SLC7A1: variants seen among roughly 807,000 people sequenced by gnomAD.
SLC7A1 encodes the protein high affinity cationic amino acid transporter 1.
In SLC7A1, 10 loss-of-function variants were observed where a neutral mutation model predicts 53.9. The ratio of observed to expected loss-of-function variants is 0.19; its 90% CI spans 0.11 to 0.31. The LOEUF is 0.31. Among genes scored for constraint, SLC7A1 ranks in the 10% least tolerant of loss-of-function variants. The pLI is 1.00. For synonymous variants in SLC7A1, 342 were observed against 338.7 expected, an observed-to-expected ratio of 1.01 and a Z score of -0.11; for missense variants, 525 against 827.2, an observed-to-expected ratio of 0.63 and a Z score of 4.48.
At position 29,516,285 on chromosome 13, in the gene SLC7A1, C is replaced by T. The variant is rs3011626; in HGVS notation, c.1678-39G>A. On this transcript the variant is annotated intron_variant, in intron 11 of 12. Transcript: ENST00000380752. The stretch of plus-strand genomic sequence containing the variant: ...AGGTGGCTTCAATCCATGGCAGTGG[C>T]GCCGGTTCCAATAGTTCAGTAAAAC... 2.4e-3 allele frequency: 3,131 copies of T among 1,329,700 alleles called. 47 individuals carry two copies. In the African/African-American group the frequency reaches 0.037, roughly 16 times the overall value. The allele number at this position is 1,329,700 out of a possible 1,614,324, so 82.4% of individuals were successfully genotyped here.
chr13:29,527,567 G>A (rs144801482), intron 5 of SLC7A1, among the ~76,000 whole-genome samples: 1,802 of 152,316 alleles, frequency 0.012, 28 homozygotes, highest in African/African-American at 0.04. Context: ...GTGAAAGAGA[G>A]GGGCTGCCAA....
chr13:29,594,703 C>T (rs965182839), intron 1 of SLC7A1, among the ~76,000 whole-genome samples: 9 of 152,348 alleles, frequency 5.9e-5, no homozygotes, highest in Non-Finnish European at 1.2e-4. Context: ...TTCCAGGCCA[C>T]ACTGGGTCAC....
chr13:29,524,931 C>G (rs1200161261), intron 5 of SLC7A1, among the ~76,000 whole-genome samples: 1 of 152,184 alleles, frequency 6.6e-6, no homozygotes, highest in Non-Finnish European at 1.5e-5. Context: ...CTTAAACATT[C>G]AGAAAACAGT....
chr13:29,522,187 A>C, intron 8 of SLC7A1, 130 bp downstream of exon 8: 3 of 940,574 alleles, frequency 3.2e-6, no homozygotes, highest in Non-Finnish European at 4.9e-6. Context: ...CCAGGCTCCA[A>C]GTATAAAAAC....
Position 29,592,129 on chromosome 13 carries a change from C to T in SLC7A1, c.-115+3287G>A, listed in dbSNP as rs568575563. Reference sequence around the variant, plus strand: ...TTGGTCCCAACTCCCCTCAAAGAAGCATCCTTCGTTTCAGGGCAGATAATC... The same window carrying T: ...TTGGTCCCAACTCCCCTCAAAGAAGTATCCTTCGTTTCAGGGCAGATAATC... On this transcript the variant is annotated intron_variant, in intron 1 of 12. Transcript: ENST00000380752. 7.2e-5 allele frequency among the ~76,000 whole-genome samples: 11 copies of T among 152,318 alleles called. 1 individual carries two copies. In the South Asian group the frequency reaches 2.3e-3, roughly 32 times the overall value.
intron 1 of SLC7A1, among the ~76,000 whole-genome samples, chr13:29,587,678 G>T (rs925481645): frequency 7.2e-5 from 11 of 152,144 alleles, no homozygotes; most frequent in African/African-American, 2.7e-4. Context: ...ACAAGTTCTG[G>T]ATATTTATTA....
At chr13:29,530,511 G>T in intron 5 of SLC7A1, 27 bp downstream of exon 5, 1 of 1,608,878 alleles carries the variant, frequency 6.2e-7, no homozygotes, top group Non-Finnish European at 8.5e-7. Context: ...TGTCAACTAA[G>T]AAAAATGGTC....
chr13:29,518,257 T>G (rs1048997657), intron 9 of SLC7A1, among the ~76,000 whole-genome samples: 5 of 152,198 alleles, frequency 3.3e-5, no homozygotes, highest in African/African-American at 1.2e-4. Context: ...TTTGTGTGAC[T>G]TAATTGGATC....
chr13:29,561,187 C>T (rs562676240), intron 1 of SLC7A1, among the ~76,000 whole-genome samples: 1 of 152,274 alleles, frequency 6.6e-6, no homozygotes, highest in South Asian at 2.1e-4. Context: ...GGACCAAACA[C>T]TAATGACGGC....
chr13:29,516,281 G>T, intron 11 of SLC7A1, 35 bp from the exon 12 acceptor site: 1 of 1,355,944 alleles, frequency 7.4e-7, no homozygotes, highest in Non-Finnish European at 1.0e-6. Flanking sequence ...ATCCATGGCA[G>T]TGGCGCCGGT....
At chr13:29,563,976 A>T (rs1477519649) in intron 1 of SLC7A1, among the ~76,000 whole-genome samples, 3 of 152,316 alleles carry the variant, frequency 2.0e-5, no homozygotes, top group East Asian at 1.9e-4. Flanking sequence ...ATGAGAATTT[A>T]AAAACACCAA....
intron 1 of SLC7A1, among the ~76,000 whole-genome samples, chr13:29,555,283 G>A (rs370719041): frequency 4.4e-5 from 6 of 136,522 alleles, no homozygotes; most frequent in South Asian, 2.6e-4. Context: ...GCGTGAACCC[G>A]GGAGGAGGAG....
At chr13:29,521,485 G>A (rs900541324) in intron 8 of SLC7A1, among the ~76,000 whole-genome samples, 44 of 152,182 alleles carry the variant, frequency 2.9e-4, no homozygotes, top group African/African-American at 1.1e-3. Context: ...CACCGCCCTG[G>A]GTGCACATCC....
intron 2 of SLC7A1, among the ~76,000 whole-genome samples, chr13:29,543,661 T>G (rs1415985018): frequency 7.9e-3 from 530 of 66,954 alleles, no homozygotes; most frequent in South Asian, 0.01. Flanking sequence ...GGGAGAAGGG[T>G]GGGGAGGAGG....
At chr13:29,528,972 G>GTTGTTCCTGACCTATATTTCATTCC (rs1869024958) in intron 5 of SLC7A1, among the ~76,000 whole-genome samples, 1 of 152,164 alleles carries the variant, frequency 6.6e-6, no homozygotes, top group South Asian at 2.1e-4. Flanking sequence ...TTAACAAGAG[G>GTTGTTCCTGACCTATATTTCATTCC]TGCCCTATAT....
intron 11 of SLC7A1, 54 bp from the exon 12 acceptor site, chr13:29,516,300 T>A: frequency 8.5e-7 from 1 of 1,170,452 alleles, no homozygotes; most frequent in Non-Finnish European, 1.3e-6. Flanking sequence ...GTTCCAATAG[T>A]TCAGTAAAAC....
rs957830667 is a variant in SLC7A1 at position 29,519,518 on chromosome 13, G to A, written c.1221C>T (p.Asp407=). Residue 407 remains aspartate, a synonymous_variant, in exon 9 of 13, where the codon GAC becomes GAT. Coordinates refer to ENST00000380752, the MANE Select transcript of SLC7A1 (RefSeq NM_003045.5). Reference sequence around the variant, plus strand: ...TGCCAATGGACATGAGGTCCACCAAGTCCTTCAGGTCAAAGAGGAAGGCCA... The same window carrying A: ...TGCCAATGGACATGAGGTCCACCAAATCCTTCAGGTCAAAGAGGAAGGCCA... The part of the protein sequence containing the change: ...AVMAFLFDLK[D]LVDLMSIGTL... The A allele has an allele frequency of 6.2e-7, 1 of 1,613,274 alleles. No homozygotes were observed.
chr13:29,578,037 G>A (rs1435078110), intron 1 of SLC7A1, among the ~76,000 whole-genome samples: 2 of 152,166 alleles, frequency 1.3e-5, no homozygotes, highest in African/African-American at 4.8e-5. Context: ...GACTTCTAGA[G>A]CTGGTCACTA....
rs555355334 is a variant in SLC7A1, at chr13:29,524,368, G to A, written c.705-115C>T. On this transcript the variant is annotated intron_variant, in intron 5 of 12. Coordinates refer to ENST00000380752, the MANE Select transcript of SLC7A1 (RefSeq NM_003045.5). ...CTGGCAGTCAGCCCTCCCTGTTACC[G>A]CTGCCAGGCCCTGGGCTTCAGACGC... 283 of 1,333,196 alleles carry A rather than the reference G, an allele frequency of 2.1e-4. 2 individuals are homozygous for A. The East Asian group carries it at 6.7e-3, about 32-fold the overall frequency. The allele number at this position is 1,333,196 out of a possible 1,614,324, so 82.6% of individuals were successfully genotyped here.
Sources: gnomAD v4.1 joint callset for allele counts (sites outside exome capture counted in the v4.1 genomes callset) on GRCh38, gnomAD v4.1.1 for gene constraint, MANE v1.5 for transcripts, NCBI Gene and HGNC (gene_info 2026-07-23, HGNC 2026-07-21) for gene names.